The following WDPCP variants were observed in gnomAD, a reference collection of about 807,000 sequenced individuals.
WDPCP encodes the protein WD repeat-containing and planar cell polarity effector protein fritz homolog.
WDPCP carries 71 observed loss-of-function variants against 93.1 expected under a neutral mutation model. That is an observed-to-expected ratio of 0.76 (90% confidence interval 0.63 to 0.93). The LOEUF is 0.93. Ranked by LOEUF, WDPCP falls within the 40% of genes least tolerant of loss-of-function variation. The pLI is 0.00. For missense variants in WDPCP, 844 were observed against 887.4 expected (o/e 0.95, Z 0.62); for synonymous variants, 315 against 315.0 (o/e 1.00, Z 0.00).
intron 13 of WDPCP, among the ~76,000 whole-genome samples, chr2:63,304,166 A>C (rs1685547418): frequency 6.6e-6 from 1 of 152,224 alleles, no homozygotes; most frequent in African/African-American, 2.4e-5. Flanking sequence ...AAATTATTAT[A>C]TAAAAAAGAC....
chr2:63,681,849 C>T (rs1668702615), intron 2 of WDPCP, among the ~76,000 whole-genome samples: 1 of 152,170 alleles, frequency 6.6e-6, no homozygotes. Context: ...GAGAGACCCT[C>T]CCTTTGTTTG....
chr2:63,289,142 T>C lies in WDPCP; in HGVS notation c.1812+24106A>G, dbSNP rs529552164. ...AAATCATAGATATTTCATGAGAAAA[T>C]ATTTTGAGGCTATGTAAATATCCTG... On this transcript the variant is annotated intron_variant, in intron 13 of 17. Transcript: ENST00000272321. Among the ~76,000 whole-genome samples, 77 of 152,236 alleles carry C rather than the reference T, an allele frequency of 5.1e-4. 1 individual carries two copies. In the South Asian group the frequency reaches 0.014, roughly 29 times the overall value.
At chr2:63,235,353 T>C (rs956493406) in intron 14 of WDPCP, among the ~76,000 whole-genome samples, 1 of 152,038 alleles carries the variant, frequency 6.6e-6, no homozygotes, top group Non-Finnish European at 1.5e-5. Context: ...GAATCAGTAA[T>C]AAAAAGGCTA....
At chr2:63,372,196 G>T (rs911457757) in intron 12 of WDPCP, among the ~76,000 whole-genome samples, 2 of 152,050 alleles carry the variant, frequency 1.3e-5, no homozygotes, top group African/African-American at 2.4e-5. Context: ...TGGTCATTTG[G>T]GTCATGAGGG....
intron 2 of WDPCP, among the ~76,000 whole-genome samples, chr2:63,728,656 C>T (rs1278236087): frequency 6.6e-6 from 1 of 152,078 alleles, no homozygotes; most frequent in Non-Finnish European, 1.5e-5. Context: ...TAAGTGATAA[C>T]TTGCAGTTAT....
At chr2:63,374,675 CTTT>C (rs926665318) in intron 12 of WDPCP, among the ~76,000 whole-genome samples, 1 of 152,016 alleles carries the variant, frequency 6.6e-6, no homozygotes, top group Non-Finnish European at 1.5e-5. Context: ...AAAGACTGCC[CTTT>C]TTTTCTGAAT....
At chr2:63,644,156 T>A (rs1299465569) in intron 3 of WDPCP, 2 of 301,544 alleles carry the variant, frequency 6.6e-6, no homozygotes, top group East Asian at 1.7e-4. Context: ...CCTATAGTTT[T>A]ATTTTTTGAT....
intron 3 of WDPCP, chr2:63,605,862 C>G (rs1196676976): frequency 8.4e-7 from 1 of 1,191,168 alleles, no homozygotes; most frequent in East Asian, 2.3e-5. Context: ...AAAGGGTCAC[C>G]TGGTTTAATT....
intron 2 of WDPCP, chr2:63,717,533 G>A (rs1290285325): frequency 2.1e-6 from 1 of 481,914 alleles, no homozygotes; most frequent in East Asian, 5.7e-5. Flanking sequence ...AGGACAGGTT[G>A]TCCCAGGCTC....
chr2:63,312,031 A>G (rs1036002914), intron 13 of WDPCP, among the ~76,000 whole-genome samples: 2 of 152,144 alleles, frequency 1.3e-5, no homozygotes, highest in African/African-American at 4.8e-5. Context: ...AAAAAGTGTA[A>G]TTAATTTTCT....
chr2:63,380,659 A>G (rs548324871), intron 11 of WDPCP, among the ~76,000 whole-genome samples: 33 of 152,248 alleles, frequency 2.2e-4, no homozygotes, highest in Non-Finnish European at 3.2e-4. Flanking sequence ...GGAGGCAGGC[A>G]TTGCAGTGAG....
At chr2:63,608,596 G>A (rs1709579498) in intron 3 of WDPCP, among the ~76,000 whole-genome samples, 2 of 152,108 alleles carry the variant, frequency 1.3e-5, no homozygotes, top group African/African-American at 4.8e-5. Flanking sequence ...ATTGATTGAA[G>A]CCAGGAGTTC....
chr2:63,408,861 G>C (rs4471880), intron 9 of WDPCP, among the ~76,000 whole-genome samples: 60,541 of 151,752 alleles, frequency 0.4, 12,405 homozygotes, highest in Non-Finnish European at 0.43. Context: ...ACCTGGGAAT[G>C]TCACCCCCAT....
intron 3 of WDPCP, among the ~76,000 whole-genome samples, chr2:63,596,508 C>T (rs774572860): frequency 2.6e-5 from 4 of 152,150 alleles, no homozygotes; most frequent in Non-Finnish European, 5.9e-5. Flanking sequence ...CTCTAAAGGG[C>T]CCAGATTGCT....
rs1331897866 is a variant in WDPCP, at chr2:63,203,613, T to TACCCAATA, written c.1916-28789_1916-28782dup. 2.6e-5 allele frequency among the ~76,000 whole-genome samples: 4 copies of TACCCAATA among 152,172 alleles called. No individual in the cohort carries two copies. The East Asian group carries it at 7.7e-4, about 29-fold the overall frequency. ...AGGTCTTATTCATTCTATTTTGTTG[T>TACCCAATA]ACCCAATAACCATCCTCACTTCCCC... is the stretch of plus-strand genomic sequence containing the variant. On this transcript the variant is annotated intron_variant, in intron 14 of 17. Coordinates refer to ENST00000272321, the MANE Select transcript of WDPCP (RefSeq NM_015910.7).
At chr2:63,415,313 G>C (rs113647782) in intron 9 of WDPCP, among the ~76,000 whole-genome samples, 4 of 152,248 alleles carry the variant, frequency 2.6e-5, no homozygotes, top group African/African-American at 9.6e-5. Flanking sequence ...CAGTGAGCTA[G>C]TATCATGCCA....
intron 14 of WDPCP, among the ~76,000 whole-genome samples, chr2:63,187,676 T>C (rs948119742): frequency 2.6e-5 from 4 of 152,214 alleles, no homozygotes; most frequent in Admixed American, 6.5e-5. Context: ...CCAATTAACA[T>C]AGATTTATAA....
At chr2:63,204,237 A>G (rs999728836) in intron 14 of WDPCP, among the ~76,000 whole-genome samples, 1 of 151,692 alleles carries the variant, frequency 6.6e-6, no homozygotes, top group Non-Finnish European at 1.5e-5. Context: ...TTTGGATAAT[A>G]GCCATTTTAA....
At chr2:63,835,626 T>TA in the WDPCP span, among the ~76,000 whole-genome samples, 156 of 145,834 alleles carry the variant, frequency 1.1e-3, 3 homozygotes, top group South Asian at 0.027. Flanking sequence ...CTATGTGATC[T>TA]AAAAAAAAAA....
Sources: gnomAD v4.1 joint callset for allele counts (sites outside exome capture counted in the v4.1 genomes callset) on GRCh38, gnomAD v4.1.1 for gene constraint, MANE v1.5 for transcripts, NCBI Gene and HGNC (gene_info 2026-07-23, HGNC 2026-07-21) for gene names.